The following PROS1 variants were observed in gnomAD, a reference collection of about 807,000 sequenced individuals.
The protein encoded by PROS1 is vitamin K-dependent protein S.
A neutral mutation model predicts 75.9 loss-of-function variants in PROS1; 29 were observed. The observed-to-expected ratio is 0.38, with a 90% CI of 0.28 to 0.52. The LOEUF is 0.52. PROS1 is among the 20% of genes least tolerant of loss of function. The pLI is 0.83. For synonymous variants in PROS1, 245 were observed against 280.6 expected (o/e 0.87, Z 1.27); for missense variants, 680 against 810.3 (o/e 0.84, Z 1.95).
chr3:93,973,598 A>T (rs1276978442), intron 1 of PROS1, 76 bp downstream of exon 1: 1 of 1,502,022 alleles, frequency 6.7e-7, no homozygotes, highest in Non-Finnish European at 9.2e-7. Context: ...TCTAGAGAAG[A>T]AAATCCTACC....
At chr3:93,954,282 A>G (rs528395688) in intron 1 of PROS1, among the ~76,000 whole-genome samples, 2 of 152,316 alleles carry the variant, frequency 1.3e-5, no homozygotes, top group Admixed American at 1.3e-4. Flanking sequence ...ATCCTAAGAC[A>G]AAAGAACAAA....
At chr3:93,969,428 G>A (rs1709841345) in intron 1 of PROS1, among the ~76,000 whole-genome samples, 2 of 152,178 alleles carry the variant, frequency 1.3e-5, no homozygotes, top group South Asian at 4.1e-4. Flanking sequence ...TCTTATTTCT[G>A]TGTCCTTCCC....
intron 1 of PROS1, among the ~76,000 whole-genome samples, chr3:93,956,146 A>T (rs890861066): frequency 2.0e-5 from 3 of 152,274 alleles, no homozygotes; most frequent in Non-Finnish European, 4.4e-5. Context: ...ATTCAAAGGT[A>T]TCTACAAATA....
At chr3:93,940,628 C>G (rs1559945490) in intron 1 of PROS1, among the ~76,000 whole-genome samples, 3 of 152,162 alleles carry the variant, frequency 2.0e-5, no homozygotes, top group South Asian at 4.1e-4. Flanking sequence ...TCTTCCCAAC[C>G]CAAAGCCTCC....
At chr3:93,955,174 C>A (rs1465490939) in intron 1 of PROS1, among the ~76,000 whole-genome samples, 7 of 152,176 alleles carry the variant, frequency 4.6e-5, no homozygotes, top group African/African-American at 7.2e-5. Flanking sequence ...GTGGCAATTC[C>A]TCAAGGATCT....
At chr3:93,896,538 T>TAGA (rs1417782140) in intron 9 of PROS1, 38 bp downstream of exon 9, 2 of 1,483,426 alleles carry the variant, frequency 1.3e-6, no homozygotes, top group African/African-American at 2.8e-5. Flanking sequence ...CCTTATCTGC[T>TAGA]TAACCTCTAG....
At chr3:93,945,041 C>A (rs1165176028) in intron 1 of PROS1, among the ~76,000 whole-genome samples, 1 of 152,148 alleles carries the variant, frequency 6.6e-6, no homozygotes, top group Admixed American at 6.6e-5. Flanking sequence ...ATGAACACCT[C>A]TATGCAAATA....
At chr3:93,879,051 T>C in intron 13 of PROS1, 112 bp downstream of exon 13, 1 of 1,105,906 alleles carries the variant, frequency 9.0e-7, no homozygotes. Context: ...ACACTTTACA[T>C]AAGTTACTTT....
chr3:93,905,690 A>G (rs926079607), intron 6 of PROS1, 94 bp downstream of exon 6: 24 of 1,342,888 alleles, frequency 1.8e-5, no homozygotes, highest in Non-Finnish European at 2.4e-5. Context: ...AAGCACTTAC[A>G]TATCATTTTT....
chr3:93,926,318 T>A (rs8178611), intron 2 of PROS1, among the ~76,000 whole-genome samples: 1 of 152,190 alleles, frequency 6.6e-6, no homozygotes, highest in Non-Finnish European at 1.5e-5. Context: ...CCTACAATTG[T>A]GACTTAAAAT....
chr3:93,902,709 C>T (rs1183968776), intron 6 of PROS1, among the ~76,000 whole-genome samples: 2 of 150,314 alleles, frequency 1.3e-5, no homozygotes, highest in African/African-American at 4.9e-5. Context: ...GCCGAGCTCA[C>T]ACTACATTCC....
rs538871808 is a variant in PROS1, at chr3:93,890,641, CT to C, written c.1155+2291del. On this transcript the variant is annotated intron_variant, in intron 10 of 14. Coordinates refer to ENST00000394236, the MANE Select transcript of PROS1 (RefSeq NM_000313.4). ...GACACTTATGGAAAATAGAAAGACC[CT>C]ACAATGAAATATTGGGGGCAGGTTT... 1.4e-3 allele frequency among the ~76,000 whole-genome samples: 214 copies of C among 152,236 alleles called. 2 individuals carry two copies. The highest frequency in any genetic ancestry group is 0.014 in the Middle Eastern group (4 of 294).
chr3:93,879,404 A>C, intron 12 of PROS1, 90 bp from the exon 13 acceptor site: 6 of 1,483,388 alleles, frequency 4.0e-6, no homozygotes, highest in Non-Finnish European at 5.6e-6. Context: ...GGTAATATTC[A>C]AAACTATCTT....
At chr3:93,946,084 A>C (rs1293290913) in intron 1 of PROS1, among the ~76,000 whole-genome samples, 3 of 152,240 alleles carry the variant, frequency 2.0e-5, no homozygotes, top group Non-Finnish European at 4.4e-5. Flanking sequence ...AATACCTAGG[A>C]ATCCAACTTA....
chr3:93,943,752 T>A (rs181318950), intron 1 of PROS1, among the ~76,000 whole-genome samples: 1 of 152,186 alleles, frequency 6.6e-6, no homozygotes, highest in Non-Finnish European at 1.5e-5. Flanking sequence ...TCAGATGGCC[T>A]GAAGCAAGTG....
intron 1 of PROS1, among the ~76,000 whole-genome samples, chr3:93,971,263 A>C (rs868364138): frequency 4.0e-5 from 6 of 151,644 alleles, no homozygotes; most frequent in Middle Eastern, 3.4e-3. Flanking sequence ...TGGGGGGATC[A>C]CTTGAACCCA....
chr3:93,908,329 A>T (rs8178628), intron 4 of PROS1, among the ~76,000 whole-genome samples: 2,678 of 152,268 alleles, frequency 0.018, 71 homozygotes, highest in African/African-American at 0.059. Flanking sequence ...GAGACCTACA[A>T]TTGGACCACA....
At chr3:93,964,274 T>C (rs1321184306) in intron 1 of PROS1, among the ~76,000 whole-genome samples, 3 of 152,178 alleles carry the variant, frequency 2.0e-5, no homozygotes, top group Non-Finnish European at 4.4e-5. Context: ...AAAACAGCCA[T>C]ATTTTTCTTC....
chr3:93,879,018 T>C (rs1708236722), intron 13 of PROS1, 145 bp downstream of exon 13: 1 of 843,492 alleles, frequency 1.2e-6, no homozygotes, highest in Non-Finnish European at 1.8e-6. Flanking sequence ...GAGTCCTTAA[T>C]GATGTGCTGG....
Sources: allele counts gnomAD v4.1 joint callset (sites outside exome capture counted in the v4.1 genomes callset), GRCh38; gene constraint gnomAD v4.1.1; transcripts MANE v1.5; gene names NCBI Gene and HGNC (gene_info 2026-07-23, HGNC 2026-07-21).